Variants in PTPRT observed in about 807,000 individuals in gnomAD.
PTPRT encodes the protein protein tyrosine phosphatase receptor type T.
A neutral mutation model predicts 176.8 loss-of-function variants in PTPRT; 56 were observed. The observed-to-expected ratio is 0.32, with a 90% CI of 0.26 to 0.40. PTPRT has a LOEUF of 0.40. Among genes scored for constraint, PTPRT ranks in the 10% least tolerant of loss-of-function variants. PTPRT has a pLI of 1.00. For missense variants in PTPRT, 1,540 were observed against 1,908.2 expected, an observed-to-expected ratio of 0.81 and a Z score of 3.60; for synonymous variants, 783 against 739.0, an observed-to-expected ratio of 1.06 and a Z score of -0.96.
At chr20:42,070,740 G>A (rs568867036), downstream of PTPRT, among the ~76,000 whole-genome samples, 1 of 152,270 alleles carries the variant, frequency 6.6e-6, no homozygotes, top group East Asian at 1.9e-4. Flanking sequence ...AGGTACCTTT[G>A]AGAAGTGGGA....
At chr20:42,402,796 G>T (rs1364717802) in intron 9 of PTPRT, among the ~76,000 whole-genome samples, 1 of 151,414 alleles carries the variant, frequency 6.6e-6, no homozygotes, top group Non-Finnish European at 1.5e-5. Flanking sequence ...TCTCTCAGGG[G>T]GACTGTGGTT....
Position 42,079,632 on chromosome 20 carries a change from C to T in PTPRT, c.*1247G>A. 1 of 227,752 alleles carries T rather than the reference C, an allele frequency of 4.4e-6. No homozygotes were observed. Among genetic ancestry groups the T allele is most frequent in the Non-Finnish European group, 8.7e-6 (1 of 114,570 alleles). 14.1% of individuals were successfully genotyped at this position (227,752 alleles called of 1,614,324 possible). On this transcript the variant is annotated 3_prime_UTR_variant, in exon 31 of 31. Transcript: ENST00000373187. Reference sequence around the variant, plus strand: ...ACACTTTGGACAAGACCCTAGATCTCCAGGCCTGATTCTCTTGGCCTATTT... The same window carrying T: ...ACACTTTGGACAAGACCCTAGATCTTCAGGCCTGATTCTCTTGGCCTATTT...
chr20:42,149,899 C>T (rs1437810882), intron 17 of PTPRT, among the ~76,000 whole-genome samples: 1 of 152,202 alleles, frequency 6.6e-6, no homozygotes, highest in Non-Finnish European at 1.5e-5. Context: ...AACCCACCCT[C>T]CTATCCACAG....
the PTPRT span, among the ~76,000 whole-genome samples, chr20:42,032,167 G>T: frequency 6.6e-6 from 1 of 151,958 alleles, no homozygotes; most frequent in Admixed American, 6.6e-5. Context: ...GAGAGAGAGA[G>T]AGAAGGAAAA....
chr20:42,854,402 C>G (rs1327322387), intron 2 of PTPRT, among the ~76,000 whole-genome samples: 1 of 152,182 alleles, frequency 6.6e-6, no homozygotes, highest in African/African-American at 2.4e-5. Flanking sequence ...TAGGGAGGTA[C>G]AACCAGAGTT....
intron 14 of PTPRT, among the ~76,000 whole-genome samples, chr20:42,243,384 A>G (rs1443223134): frequency 1.3e-5 from 2 of 152,192 alleles, no homozygotes; most frequent in African/African-American, 4.8e-5. Context: ...TAAATACACA[A>G]ATGAAGACTA....
intron 16 of PTPRT, among the ~76,000 whole-genome samples, chr20:42,184,541 C>CTTCTTCCTCTTCTTCTTCTTCT: frequency 1.1e-5 from 1 of 91,546 alleles, no homozygotes; most frequent in Non-Finnish European, 2.1e-5. Context: ...CTTCCTCTTC[C>CTTCTTCCTCTTCTTCTTCTTCT]TCTTCTTCTT....
chr20:43,031,889 T>C (rs1004595927), intron 1 of PTPRT, among the ~76,000 whole-genome samples: 1 of 152,162 alleles, frequency 6.6e-6, no homozygotes, highest in Non-Finnish European at 1.5e-5. Flanking sequence ...CAGGGGTTTC[T>C]GCATTAGGTA....
intron 9 of PTPRT, among the ~76,000 whole-genome samples, chr20:42,424,736 G>A (rs1259315608): frequency 1.3e-5 from 2 of 151,404 alleles, no homozygotes; most frequent in Non-Finnish European, 2.9e-5. Context: ...AGCAGCCATG[G>A]CACATCTTTT....
At chr20:43,095,181 G>T (rs1164521229) in intron 1 of PTPRT, among the ~76,000 whole-genome samples, 2 of 152,036 alleles carry the variant, frequency 1.3e-5, no homozygotes, top group Non-Finnish European at 2.9e-5. Flanking sequence ...CTGGGAGCTG[G>T]GTTGGTGCAC....
chr20:42,362,133 G>A (rs912662540), intron 9 of PTPRT, among the ~76,000 whole-genome samples: 2 of 152,232 alleles, frequency 1.3e-5, no homozygotes, highest in Middle Eastern at 3.4e-3. Flanking sequence ...AGGCATGGTG[G>A]TGCATGCCTG....
In PTPRT at chr20:42,916,623, C is replaced by T. The variant is rs572147002; in HGVS notation, c.89-30691G>A. Among the ~76,000 whole-genome samples, 420 of 152,286 alleles carry T rather than the reference C, an allele frequency of 2.8e-3. 1 individual carries two copies. The highest frequency in any genetic ancestry group is 9.4e-3 in the African/African-American group (391 of 41,546). ...CTATTTCTCCACATCCTCTCCAGCA[C>T]CTGTTATTTCCTGACTTTTTAATGA... On this transcript the variant is annotated intron_variant, in intron 1 of 30. Transcript: ENST00000373187.
intron 12 of PTPRT, among the ~76,000 whole-genome samples, chr20:42,297,245 A>T (rs2145291948): frequency 6.6e-6 from 1 of 152,300 alleles, no homozygotes. Flanking sequence ...CAAAGTCAAT[A>T]GTAGTCATAT....
intron 1 of PTPRT, among the ~76,000 whole-genome samples, chr20:42,993,781 C>G (rs1470784579): frequency 6.6e-6 from 1 of 151,922 alleles, no homozygotes; most frequent in East Asian, 1.9e-4. Context: ...CAACATTAGC[C>G]TAAAATATTG....
chr20:43,106,514 G>A (rs1412141246), intron 1 of PTPRT, among the ~76,000 whole-genome samples: 1 of 151,826 alleles, frequency 6.6e-6, no homozygotes, highest in Non-Finnish European at 1.5e-5. Context: ...AAAATTAGCT[G>A]GGCGTGATGG....
chr20:42,268,420 A>G lies in PTPRT; in HGVS notation c.2176+14069T>C, dbSNP rs185465851. Among the ~76,000 whole-genome samples, 3 of 152,322 alleles carry G rather than the reference A, an allele frequency of 2.0e-5. No homozygotes were observed. The East Asian group carries it at 5.8e-4, about 29-fold the overall frequency. On this transcript the variant is annotated intron_variant, in intron 13 of 30. Transcript: ENST00000373187. ...AGAGCCTAGAGAACAATGGCCCAGC[A>G]GAAACGGAACAGCTCGCACACACTC...
At chr20:42,730,829 A>C (rs1218091844) in intron 6 of PTPRT, among the ~76,000 whole-genome samples, 1 of 152,150 alleles carries the variant, frequency 6.6e-6, no homozygotes, top group African/African-American at 2.4e-5. Context: ...GGCAATTCTA[A>C]AGGAGCATCC....
At chr20:42,999,660 A>C (rs868835329) in intron 1 of PTPRT, among the ~76,000 whole-genome samples, 7 of 150,602 alleles carry the variant, frequency 4.6e-5, no homozygotes, top group Admixed American at 4.0e-4. Context: ...TGTTTTAATC[A>C]GCTGGGCATG....
rs1229976725 is a variant in PTPRT at position 42,947,817 on chromosome 20, C to G, written c.89-61885G>C. 2.0e-5 allele frequency among the ~76,000 whole-genome samples: 3 copies of G among 152,104 alleles called. No individual in the cohort carries two copies. In the East Asian group the frequency reaches 5.8e-4, roughly 29 times the overall value. On this transcript the variant is annotated intron_variant, in intron 1 of 30. Transcript: ENST00000373187. Reference sequence around the variant, plus strand: ...CTCCCGGAAATTGTCTTGCCAAGGTCACTGACGAGTGTCTCTACCTTGTCA... The same window carrying G: ...CTCCCGGAAATTGTCTTGCCAAGGTGACTGACGAGTGTCTCTACCTTGTCA...
Sources: gnomAD v4.1 joint callset for allele counts (sites outside exome capture counted in the v4.1 genomes callset) on GRCh38, gnomAD v4.1.1 for gene constraint, MANE v1.5 for transcripts, NCBI Gene and HGNC (gene_info 2026-07-23, HGNC 2026-07-21) for gene names.